SDK1: variants seen among roughly 807,000 people sequenced by gnomAD.
SDK1 encodes protein sidekick-1.
A neutral mutation model predicts 245.5 loss-of-function variants in SDK1; 157 were observed. The ratio of observed to expected loss-of-function variants is 0.64; its 90% CI spans 0.56 to 0.73. The LOEUF (loss-of-function observed/expected upper bound fraction) is 0.73, where lower values mean the gene tolerates loss of function less well. Ranked by LOEUF, SDK1 falls within the 30% of genes least tolerant of loss-of-function variation. The pLI is 0.00. For missense variants in SDK1, 3,583 were observed against 3,002.3 expected (o/e 1.19, Z -4.52); for synonymous variants, 1,647 against 1,278.5 (o/e 1.29, Z -6.15).
intron 1 of SDK1, among the ~76,000 whole-genome samples, chr7:3,608,100 G>A (rs1011117658): frequency 2.0e-5 from 3 of 152,230 alleles, no homozygotes; most frequent in African/African-American, 4.8e-5. Context: ...AACTACACCA[G>A]CTGGTGTGTT....
intron 5 of SDK1, among the ~76,000 whole-genome samples, chr7:3,884,481 C>A (rs949704429): frequency 6.6e-6 from 1 of 152,354 alleles, no homozygotes; most frequent in East Asian, 1.9e-4. Context: ...CTCACAACTA[C>A]TTTACTCAGT....
chr7:3,806,419 C>G (rs530449279), intron 4 of SDK1, among the ~76,000 whole-genome samples: 4 of 152,166 alleles, frequency 2.6e-5, no homozygotes, highest in South Asian at 2.1e-4. Context: ...TTCGGCCCAC[C>G]ACGAGAAGGC....
intron 3 of SDK1, among the ~76,000 whole-genome samples, chr7:3,640,722 C>T (rs1782621243): frequency 1.3e-5 from 2 of 151,716 alleles, no homozygotes; most frequent in African/African-American, 4.8e-5. Context: ...CTGGCTCTGT[C>T]ACCCAGGCTG....
Position 3,703,060 on chromosome 7 carries a change from C to CAA in SDK1, c.713+60975_713+60976dup, listed in dbSNP as rs34926857. ...AAAAAGTAAATGCGAGACTCTGTCT[C>CAA]AAAAAAAAAAAAAAAAAAAAATGTA... On this transcript the variant is annotated intron_variant, in intron 4 of 44. Transcript: ENST00000404826. Among the ~76,000 whole-genome samples, 130 of 87,558 alleles carry CAA rather than the reference C, an allele frequency of 1.5e-3. 1 individual carries two copies. Among genetic ancestry groups the CAA allele is most frequent in the Non-Finnish European group, 2.1e-3 (75 of 35,802 alleles). 57.4% of individuals were successfully genotyped at this position (87,558 alleles called of 152,430 possible). A position where few individuals can be genotyped will look rare whatever the true frequency, so the allele number is the denominator to read the frequency against.
intron 2 of SDK1, among the ~76,000 whole-genome samples, chr7:3,628,981 G>C (rs1782202567): frequency 6.6e-6 from 1 of 151,988 alleles, no homozygotes; most frequent in Non-Finnish European, 1.5e-5. Context: ...AGATTTCTTA[G>C]GGCAGGGTAC....
chr7:3,763,398 C>G (rs1035392814), intron 4 of SDK1, among the ~76,000 whole-genome samples: 5 of 152,114 alleles, frequency 3.3e-5, no homozygotes, highest in Non-Finnish European at 7.4e-5. Context: ...AGTGAACATC[C>G]ATATACTCAC....
At chr7:3,851,243 A>G (rs1421009817) in intron 5 of SDK1, among the ~76,000 whole-genome samples, 1 of 152,196 alleles carries the variant, frequency 6.6e-6, no homozygotes, top group African/African-American at 2.4e-5. Context: ...TTTTAGAGAC[A>G]ATGTCTTTCT....
At chr7:3,615,996 C>A (rs1781758480) in intron 1 of SDK1, among the ~76,000 whole-genome samples, 1 of 152,084 alleles carries the variant, frequency 6.6e-6, no homozygotes, top group Non-Finnish European at 1.5e-5. Flanking sequence ...GTAATCCCTC[C>A]ACCTCAGCTT....
chr7:3,659,242 A>G (rs1235743282), intron 4 of SDK1, among the ~76,000 whole-genome samples: 4 of 152,056 alleles, frequency 2.6e-5, no homozygotes, highest in Admixed American at 1.3e-4. Context: ...CCTTGAATGT[A>G]TGCTTCCTGA....
intron 7 of SDK1, among the ~76,000 whole-genome samples, chr7:3,952,721 C>G (rs1302812907): frequency 6.6e-6 from 1 of 151,718 alleles, no homozygotes. Context: ...AGAGATGCTT[C>G]CTCAAACTGG....
chr7:3,666,433 G>T (rs1183122626), intron 4 of SDK1, among the ~76,000 whole-genome samples: 1 of 152,176 alleles, frequency 6.6e-6, no homozygotes, highest in Admixed American at 6.5e-5. Context: ...TTACATTTCA[G>T]ATCTCATCAC....
chr7:3,328,284 G>A (rs992443753), intron 1 of SDK1, among the ~76,000 whole-genome samples: 2 of 152,094 alleles, frequency 1.3e-5, no homozygotes, highest in African/African-American at 2.4e-5. Context: ...TATTTGAAAT[G>A]AAGTAATATA....
chr7:3,611,537 C>A (rs1781588900), intron 1 of SDK1, among the ~76,000 whole-genome samples: 1 of 152,006 alleles, frequency 6.6e-6, no homozygotes, highest in African/African-American at 2.4e-5. Flanking sequence ...TCGTGTAATG[C>A]CTTCTTTTCC....
intron 1 of SDK1, among the ~76,000 whole-genome samples, chr7:3,332,338 A>T (rs566133876): frequency 6.6e-6 from 1 of 152,176 alleles, no homozygotes; most frequent in Admixed American, 6.5e-5. Flanking sequence ...CTTTAATGTC[A>T]GTGCCGTCAG....
intron 5 of SDK1, among the ~76,000 whole-genome samples, chr7:3,930,554 T>C (rs745624824): frequency 1.3e-5 from 2 of 152,228 alleles, no homozygotes; most frequent in Non-Finnish European, 2.9e-5. Flanking sequence ...TGGTTTCCAG[T>C]GCTCAGAGAC....
chr7:4,161,977 C>T lies in SDK1; in HGVS notation c.4800+121C>T, dbSNP rs1330068056. The T allele has an allele frequency of 1.8e-5, 15 of 811,518 alleles. No homozygotes were observed. The South Asian group carries it at 2.2e-4, about 12-fold the overall frequency. The allele number at this position is 811,518 out of a possible 1,614,324, so 50.3% of individuals were successfully genotyped here. ...CTGAGCTAAGCGTTTGAGAGTAGAA[C>T]CAAGGAGACACACCCTCAGACTCAA... is the stretch of plus-strand genomic sequence containing the variant. On this transcript the variant is annotated intron_variant, in intron 32 of 44. Transcript: ENST00000404826.
chr7:3,587,465 T>C (rs1191302664), intron 1 of SDK1, among the ~76,000 whole-genome samples: 1 of 152,038 alleles, frequency 6.6e-6, no homozygotes, highest in Non-Finnish European at 1.5e-5. Context: ...GAGCCAAGGG[T>C]ACAGGTTCCA....
intron 13 of SDK1, among the ~76,000 whole-genome samples, chr7:3,986,656 C>T (rs1005157038): frequency 5.3e-5 from 8 of 152,118 alleles, no homozygotes; most frequent in East Asian, 1.9e-4. Flanking sequence ...GTCAGGAGTT[C>T]AAGACCAACC....
intron 1 of SDK1, among the ~76,000 whole-genome samples, chr7:3,587,777 G>A (rs1420311811): frequency 6.6e-6 from 1 of 152,214 alleles, no homozygotes; most frequent in South Asian, 2.1e-4. Flanking sequence ...CTGCCCCTTG[G>A]CCTTTCCTGA....
Sources: allele counts gnomAD v4.1 joint callset (sites outside exome capture counted in the v4.1 genomes callset), GRCh38; gene constraint gnomAD v4.1.1; transcripts MANE v1.5; gene names NCBI Gene and HGNC (gene_info 2026-07-23, HGNC 2026-07-21).